PRMT7: variants seen among roughly 807,000 people sequenced by gnomAD.
The protein encoded by PRMT7 is protein arginine N-methyltransferase 7.
Under a neutral mutation model 85.4 loss-of-function variants are expected in PRMT7, and 75 were observed. That is an observed-to-expected ratio of 0.88 (90% CI 0.73 to 1.06). The LOEUF is 1.06. Ranked by LOEUF, PRMT7 falls within the 50% of genes least tolerant of loss-of-function variation. PRMT7 has a pLI of 0.00. For synonymous variants in PRMT7, 397 were observed against 359.5 expected (o/e 1.10, Z -1.18); for missense variants, 868 against 915.2 (o/e 0.95, Z 0.67).
chr16:68,321,279 AAAT>A, intron 3 of PRMT7, 144 bp from the exon 4 acceptor site: 3 of 592,006 alleles, frequency 5.1e-6, no homozygotes, highest in South Asian at 3.0e-5. Flanking sequence ...AAAAAAAAAA[AAAT>A]AAATAAAGAT....
At chr16:68,322,489 C>A in intron 4 of PRMT7, 1 of 419,166 alleles carries the variant, frequency 2.4e-6, no homozygotes, top group Non-Finnish European at 4.8e-6. Context: ...TGAGCTACTG[C>A]GCCCGGCCAT....
chr16:68,324,467 A>C, intron 4 of PRMT7: 1 of 586,728 alleles, frequency 1.7e-6, no homozygotes, highest in South Asian at 2.0e-5. Flanking sequence ...AGAGGATAGA[A>C]GAGTGAGTGT....
In PRMT7 at chr16:68,353,513, C is replaced by A; in HGVS notation, c.1597C>A (p.Pro533Thr). Residue 533 changes from proline to threonine, a missense_variant, in exon 16 of 19, where the codon CCC (proline) becomes ACC (threonine). Coordinates refer to ENST00000441236, the MANE Select transcript of PRMT7 (RefSeq NM_019023.5). ...EFRDLWRIRS[P>T]CGDCEGFDVH... ...ACAGGACCTGTGGCGGATCCGGAGC[C>A]CCTGTGGTGACTGCGAAGGCTTCGA... 1.2e-6 allele frequency: 2 copies of A among 1,607,208 alleles called. No individual in the cohort carries two copies. The highest frequency in any genetic ancestry group is 1.1e-5 in the South Asian group (1 of 89,712).
chr16:68,331,925 TC>T (rs1262702446), intron 6 of PRMT7, among the ~76,000 whole-genome samples: 1 of 152,270 alleles, frequency 6.6e-6, no homozygotes, highest in African/African-American at 2.4e-5. Flanking sequence ...CTTTGTTTTT[TC>T]TGGGTTTGTT....
intron 14 of PRMT7, 130 bp downstream of exon 14, chr16:68,348,561 C>A: frequency 1.8e-6 from 1 of 571,008 alleles, no homozygotes; most frequent in Non-Finnish European, 3.0e-6. Context: ...TTACCTCCTA[C>A]GAGCTCCCAC....
chr16:68,320,955 A>G (rs1363999245), intron 3 of PRMT7, among the ~76,000 whole-genome samples: 1 of 152,142 alleles, frequency 6.6e-6, no homozygotes, highest in Non-Finnish European at 1.5e-5. Context: ...TGACATAACG[A>G]GACCCTGTTT....
chr16:68,333,608 C>T (rs1430738800), intron 6 of PRMT7, among the ~76,000 whole-genome samples: 1 of 152,052 alleles, frequency 6.6e-6, no homozygotes, highest in Non-Finnish European at 1.5e-5. Flanking sequence ...CAGATGGGAG[C>T]CACTGTACCT....
intron 14 of PRMT7, among the ~76,000 whole-genome samples, chr16:68,349,855 A>G (rs1021462984): frequency 6.6e-6 from 1 of 152,208 alleles, no homozygotes; most frequent in African/African-American, 2.4e-5. Flanking sequence ...TGCTTGTGGC[A>G]GAGCACTACA....
Position 68,357,488 on chromosome 16 carries a change from A to T in PRMT7, c.*264A>T. 1 of 450,046 alleles carries T rather than the reference A, an allele frequency of 2.2e-6. No individual in the cohort carries two copies. Among genetic ancestry groups the T allele is most frequent in the Non-Finnish European group, 3.9e-6 (1 of 253,586 alleles). The allele number at this position is 450,046 out of a possible 1,614,324, so 27.9% of individuals were successfully genotyped here. A position where few individuals can be genotyped will look rare whatever the true frequency, so the allele number is the denominator to read the frequency against. On this transcript the variant is annotated 3_prime_UTR_variant, in exon 19 of 19. Coordinates refer to ENST00000441236, the MANE Select transcript of PRMT7 (RefSeq NM_019023.5). ...CCCTGCTTGTGCTTCTGAGGTGCTG[A>T]GAATGCTCCAACACAGAGACATCTC...
intron 5 of PRMT7, among the ~76,000 whole-genome samples, chr16:68,325,485 T>TA (rs2083000000): frequency 2.1e-5 from 3 of 145,992 alleles, no homozygotes; most frequent in South Asian, 4.4e-4. Context: ...AGTGAGACTT[T>TA]ATCTCAAAAA....
Position 68,339,414 on chromosome 16 carries a change from C to T in PRMT7, c.597C>T (p.Ile199=), listed in dbSNP as rs973430077. Residue 199 remains isoleucine, a synonymous_variant, in exon 8 of 19, where the codon ATC becomes ATT. Transcript: ENST00000441236. ...RMWSWNKLFP[I]HVQTSLGEQV... is the part of the protein sequence containing the mutation. ...GGTCGTGGAACAAGCTATTTCCCAT[C>T]CACGTGCAGACCAGCCTCGGAGAGC... is the stretch of plus-strand genomic sequence containing the variant. 2.9e-5 allele frequency: 47 copies of T among 1,614,096 alleles called. No homozygotes were observed. The highest frequency in any genetic ancestry group is 3.7e-5 in the Non-Finnish European group (44 of 1,180,048).
chr16:68,314,414 A>G (rs546709110), intron 2 of PRMT7, among the ~76,000 whole-genome samples: 1 of 152,314 alleles, frequency 6.6e-6, no homozygotes, highest in African/African-American at 2.4e-5. Context: ...TATTTTTAGT[A>G]GAGACGAGGG....
At chr16:68,346,717 G>C (rs1395313362) in intron 11 of PRMT7, among the ~76,000 whole-genome samples, 1 of 152,184 alleles carries the variant, frequency 6.6e-6, no homozygotes, top group Non-Finnish European at 1.5e-5. Context: ...GGGGCTTAGA[G>C]GGAGGGTCTC....
chr16:68,329,685 C>T (rs1004582232), intron 6 of PRMT7, among the ~76,000 whole-genome samples: 6 of 152,136 alleles, frequency 3.9e-5, no homozygotes, highest in South Asian at 4.1e-4. Flanking sequence ...CTGGCTAACA[C>T]GGTGAAACTC....
intron 6 of PRMT7, among the ~76,000 whole-genome samples, chr16:68,330,686 C>T (rs2083741570): frequency 2.0e-5 from 3 of 152,090 alleles, no homozygotes; most frequent in African/African-American, 7.2e-5. Flanking sequence ...CCTCTGCCTC[C>T]CATGTTCAAG....
chr16:68,341,252 G>C (rs1489958869), intron 9 of PRMT7, among the ~76,000 whole-genome samples: 1 of 152,172 alleles, frequency 6.6e-6, no homozygotes, highest in East Asian at 1.9e-4. Context: ...TGTCGGAATT[G>C]CCTGATGGGT....
chr16:68,318,936 A>T (rs908665811), intron 3 of PRMT7: 88 of 152,272 alleles, frequency 5.8e-4, no homozygotes, highest in African/African-American at 2.1e-3. Flanking sequence ...GCATTTGGGG[A>T]TATTGTAGTC....
At chr16:68,332,209 A>G (rs150408268) in intron 6 of PRMT7, among the ~76,000 whole-genome samples, 351 of 152,238 alleles carry the variant, frequency 2.3e-3, no homozygotes, top group Non-Finnish European at 4.0e-3. Flanking sequence ...GCATTCTCCA[A>G]CTATGTGACA....
chr16:68,324,744 A>G lies in PRMT7; in HGVS notation c.194A>G (p.Lys65Arg). Residue 65 changes from lysine (K) to arginine (R), a missense_variant, in exon 5 of 19, where the codon AAG (lysine) becomes AGG (arginine). Physicochemically the swap from Lys to Arg is conservative, Grantham distance 26 (BLOSUM62 2). Coordinates refer to ENST00000441236, the MANE Select transcript of PRMT7 (RefSeq NM_019023.5). ...AVSRVKDRGQKALVLDIGTGT... is the reference protein window; with the variant it reads ...AVSRVKDRGQRALVLDIGTGT... ...AGCAGGGTGAAGGACAGAGGACAGA[A>G]GGCCTTGGTTCTCGACATTGGCACT... 2 of 1,614,046 alleles carry G rather than the reference A, an allele frequency of 1.2e-6. No individual in the cohort carries two copies. Among genetic ancestry groups the G allele is most frequent in the Non-Finnish European group, 1.7e-6 (2 of 1,179,978 alleles).
Sources: allele counts gnomAD v4.1 joint callset (sites outside exome capture counted in the v4.1 genomes callset), GRCh38; gene constraint gnomAD v4.1.1; transcripts MANE v1.5; gene names NCBI Gene and HGNC (gene_info 2026-07-23, HGNC 2026-07-21).